The following LRRTM3 variants were observed in gnomAD, a reference collection of about 807,000 sequenced individuals.
The protein encoded by LRRTM3 is leucine-rich repeat transmembrane neuronal protein 3.
LRRTM3 carries 24 observed loss-of-function variants against 44.7 expected under a neutral mutation model. The ratio of observed to expected loss-of-function variants is 0.54; its 90% confidence interval spans 0.39 to 0.76. LRRTM3 has a LOEUF of 0.76. Ranked by LOEUF, LRRTM3 falls within the 30% of genes least tolerant of loss-of-function variation. LRRTM3 has a pLI of 0.00. For synonymous variants in LRRTM3, 277 were observed against 278.7 expected (o/e 0.99, Z 0.06); for missense variants, 587 against 702.2 (o/e 0.84, Z 1.85).
intron 2 of LRRTM3, among the ~76,000 whole-genome samples, chr10:67,023,300 AG>A (rs1853145702): frequency 6.6e-6 from 1 of 152,162 alleles, no homozygotes. Flanking sequence ...ACTGCTGAAA[AG>A]GTTCTATGTA....
intron 2 of LRRTM3, among the ~76,000 whole-genome samples, chr10:66,971,763 CCATAAA>C (rs1195475330): frequency 1.3e-5 from 2 of 152,104 alleles, no homozygotes; most frequent in Non-Finnish European, 2.9e-5. Flanking sequence ...AGAAAATATA[CCATAAA>C]CATAATTTAT....
Position 66,973,754 on chromosome 10 carries a change from G to C in LRRTM3, c.1536+45302G>C, listed in dbSNP as rs866687570. Among the ~76,000 whole-genome samples the C allele has an allele frequency of 9.7e-4, 147 of 152,120 alleles. 2 individuals carry two copies. The Middle Eastern group carries it at 0.02, about 21-fold the overall frequency. Reference sequence around the variant, plus strand: ...TTCTCCTGCTTCAGCCTTCCCAGTAGCTGGGATTACAGGCACCCACCACCA... The same window carrying C: ...TTCTCCTGCTTCAGCCTTCCCAGTACCTGGGATTACAGGCACCCACCACCA... On this transcript the variant is annotated intron_variant, in intron 2 of 2. Coordinates refer to ENST00000361320, the MANE Select transcript of LRRTM3 (RefSeq NM_178011.5).
chr10:66,972,671 A>C (rs1278197044), intron 2 of LRRTM3, among the ~76,000 whole-genome samples: 2 of 149,656 alleles, frequency 1.3e-5, no homozygotes, highest in Non-Finnish European at 3.0e-5. Context: ...AGCTTTATAT[A>C]GATACAATTT....
intron 2 of LRRTM3, among the ~76,000 whole-genome samples, chr10:67,070,485 G>T (rs1010846478): frequency 6.6e-6 from 1 of 151,826 alleles, no homozygotes; most frequent in Non-Finnish European, 1.5e-5. Context: ...GCAGTGTCTC[G>T]TGCCTGTAAT....
intron 2 of LRRTM3, among the ~76,000 whole-genome samples, chr10:67,082,853 C>T (rs1027562319): frequency 6.6e-6 from 1 of 152,056 alleles, no homozygotes; most frequent in Admixed American, 6.6e-5. Flanking sequence ...GGGGGATGGA[C>T]CACAATATTA....
intron 2 of LRRTM3, among the ~76,000 whole-genome samples, chr10:66,953,558 GT>G (rs1848644999): frequency 6.6e-6 from 1 of 152,106 alleles, no homozygotes; most frequent in Non-Finnish European, 1.5e-5. Flanking sequence ...GCACACCATA[GT>G]TAGTTATGAC....
intron 2 of LRRTM3, among the ~76,000 whole-genome samples, chr10:67,009,248 CT>C (rs1158028367): frequency 2.0e-5 from 3 of 151,574 alleles, no homozygotes; most frequent in African/African-American, 4.8e-5. Context: ...TATTGGATCC[CT>C]TTTTTTTCTT....
chr10:66,996,018 A>G (rs1004451474), intron 2 of LRRTM3, among the ~76,000 whole-genome samples: 5 of 152,188 alleles, frequency 3.3e-5, no homozygotes, highest in Non-Finnish European at 7.3e-5. Flanking sequence ...TCACTTGTAA[A>G]TTATTTTAGT....
intron 2 of LRRTM3, among the ~76,000 whole-genome samples, chr10:67,007,106 A>C (rs1852039531): frequency 6.6e-6 from 1 of 152,072 alleles, no homozygotes; most frequent in South Asian, 2.1e-4. Flanking sequence ...TACAGTCTTA[A>C]AAATTATGTA....
At chr10:66,926,676 A>C in intron 1 of LRRTM3, 89 bp downstream of exon 1, 2 of 1,438,512 alleles carry the variant, frequency 1.4e-6, no homozygotes, top group South Asian at 2.3e-5. Context: ...TAATTATTTT[A>C]GAGATTACCT....
In LRRTM3 at chr10:66,938,959, C is replaced by T. The variant is rs558292475; in HGVS notation, c.1536+10507C>T. ...ACATCCTCCTGAGAAAGGTCCTTTG[C>T]TCTTTAGCTTGGATGTCTCCTTATC... On this transcript the variant is annotated intron_variant, in intron 2 of 2. Transcript: ENST00000361320. Among the ~76,000 whole-genome samples, 9 of 152,282 alleles carry T rather than the reference C, an allele frequency of 5.9e-5. No individual in the cohort carries two copies. In the East Asian group the frequency reaches 9.7e-4, roughly 16 times the overall value.
chr10:67,061,994 A>G (rs1054569149), intron 2 of LRRTM3, among the ~76,000 whole-genome samples: 1 of 152,166 alleles, frequency 6.6e-6, no homozygotes, highest in Non-Finnish European at 1.5e-5. Context: ...ACATTTTTCA[A>G]CCTACTTCCC....
intron 2 of LRRTM3, among the ~76,000 whole-genome samples, chr10:66,943,488 A>G (rs1260221163): frequency 6.8e-6 from 1 of 147,786 alleles, no homozygotes; most frequent in Non-Finnish European, 1.5e-5. Context: ...AAGCCTATCT[A>G]CATCCTGATC....
At chr10:67,086,927 TTGTGACTACAATTTCC>T (rs2131895862) in intron 2 of LRRTM3, among the ~76,000 whole-genome samples, 1 of 152,124 alleles carries the variant, frequency 6.6e-6, no homozygotes, top group East Asian at 1.9e-4. Context: ...CAGTGGACTG[TTGTGACTACAATTTCC>T]AAGGGGATTA....
At chr10:67,079,989 G>A (rs1856966814) in intron 2 of LRRTM3, among the ~76,000 whole-genome samples, 2 of 151,992 alleles carry the variant, frequency 1.3e-5, no homozygotes, top group Admixed American at 1.3e-4. Flanking sequence ...GTTAGAGGAG[G>A]GTGGTTGTAC....
intron 2 of LRRTM3, among the ~76,000 whole-genome samples, chr10:66,982,145 A>G (rs981303169): frequency 1.3e-5 from 2 of 152,196 alleles, no homozygotes; most frequent in Non-Finnish European, 2.9e-5. Flanking sequence ...AAATAAATAC[A>G]TTTGCATTCT....
chr10:67,042,925 G>A (rs144068595), intron 2 of LRRTM3, among the ~76,000 whole-genome samples: 48 of 152,126 alleles, frequency 3.2e-4, no homozygotes, highest in Non-Finnish European at 5.6e-4. Context: ...GAATATATTC[G>A]AACGCTATAA....
intron 2 of LRRTM3, among the ~76,000 whole-genome samples, chr10:67,017,624 C>A (rs1418507554): frequency 6.6e-6 from 1 of 151,786 alleles, no homozygotes; most frequent in Admixed American, 6.6e-5. Context: ...AGCCATAGTT[C>A]TAATGTTTGG....
At chr10:66,970,503 G>A (rs564772251) in intron 2 of LRRTM3, among the ~76,000 whole-genome samples, 1 of 50,076 alleles carries the variant, frequency 2.0e-5, no homozygotes, top group African/African-American at 6.7e-5. Context: ...ATTCTTGGGT[G>A]GGGGGGGGAT....
Sources: allele counts gnomAD v4.1 joint callset (sites outside exome capture counted in the v4.1 genomes callset), GRCh38; gene constraint gnomAD v4.1.1; transcripts MANE v1.5; gene names NCBI Gene and HGNC (gene_info 2026-07-23, HGNC 2026-07-21).